The following ZNF318 variants were observed in gnomAD, a reference collection of about 807,000 sequenced individuals.
The protein encoded by ZNF318 is zinc finger protein 318, also known as endocrine regulator.
Under a neutral mutation model 124.2 loss-of-function variants are expected in ZNF318, and 51 were observed. The observed-to-expected ratio is 0.41, with a 90% CI of 0.33 to 0.52. The LOEUF (loss-of-function observed/expected upper bound fraction) is 0.52, where lower values mean the gene tolerates loss of function less well. ZNF318 is among the 20% of genes least tolerant of loss of function. The pLI, the probability that ZNF318 is intolerant of heterozygous loss-of-function variation, is 0.23. For synonymous variants in ZNF318, 1,090 were observed against 1,040.7 expected (o/e 1.05, Z -0.91); for missense variants, 2,815 against 2,811.2 (o/e 1.00, Z -0.03).
rs1433299645 is a variant in ZNF318, at chr6:43,355,062, A to G, written c.2272T>C (p.Leu758=). 3 of 1,613,996 alleles carry G rather than the reference A, an allele frequency of 1.9e-6. No individual in the cohort carries two copies. The African/African-American group carries it at 4.0e-5, about 22-fold the overall frequency. Residue 758 remains leucine, a synonymous_variant, in exon 4 of 10, where the codon TTA becomes CTA. Coordinates refer to ENST00000361428, the MANE Select transcript of ZNF318 (RefSeq NM_014345.3). ...GCCCTTGGCATGTGAAACTGAGATA[A>G]AGCAGCAGTGTGTGGAAGTCTAATT... ...APIRLPHTAA[L]SQFHMPRASQ... is the part of the protein sequence containing the mutation.
In ZNF318 at chr6:43,369,081, G is replaced by C; in HGVS notation, c.285C>G (p.Gly95=). The change falls in exon 1 of 10, where the codon GGC becomes GGG. Residue 95 remains glycine, a synonymous_variant. Coordinates refer to ENST00000361428, the MANE Select transcript of ZNF318 (RefSeq NM_014345.3). ...ARRGSPSPPR[G]RRLFPPGPAG... ...CCGGGCCCGGCGGGAAGAGTCGTCG[G>C]CCCCGCGGTGGCGACGGGGAGCCGC... 1 of 1,279,150 alleles carries C rather than the reference G, an allele frequency of 7.8e-7. No homozygotes were observed. The highest frequency in any genetic ancestry group is 1.5e-5 in the African/African-American group (1 of 64,918). The allele number at this position is 1,279,150 out of a possible 1,614,324, so 79.2% of individuals were successfully genotyped here. A position where few individuals can be genotyped will look rare whatever the true frequency, so the allele number is the denominator to read the frequency against.
At position 43,363,148 on chromosome 6, in the gene ZNF318, C is replaced by T. The variant is rs568753324; in HGVS notation, c.548+2144G>A. Among the ~76,000 whole-genome samples, 7 of 152,282 alleles carry T rather than the reference C, an allele frequency of 4.6e-5. No homozygotes were observed. In the South Asian group the frequency reaches 1.4e-3, roughly 32 times the overall value. ...AATTTAAAAATATAATTAGTTCTAT[C>T]TGAAGCACATGTGCATAACAAAGTT... is the stretch of plus-strand genomic sequence containing the variant. On this transcript the variant is annotated intron_variant, in intron 2 of 9. Transcript: ENST00000361428.
Position 43,339,494 on chromosome 6 carries a change from C to T in ZNF318, c.4504G>A (p.Val1502Ile), listed in dbSNP as rs1252586026. The T allele has an allele frequency of 6.2e-7, 1 of 1,614,152 alleles. No homozygotes were observed. The highest frequency in any genetic ancestry group is 1.7e-5 in the Admixed American group (1 of 60,024). Reference protein sequence around the residue: ...GPNILNPVLPVAIMASAQPAA... With the variant: ...GPNILNPVLPIAIMASAQPAA... Reference sequence around the variant, plus strand: ...GGCTGTGCTGAGGCCATGATGGCTACAGGCAACACTGGGTTCAAAATGTTA... The same window carrying T: ...GGCTGTGCTGAGGCCATGATGGCTATAGGCAACACTGGGTTCAAAATGTTA... The change falls in exon 10 of 10, where the codon GTA becomes ATA. Residue 1502 changes from valine (V) to isoleucine (I), a missense_variant. Around this residue, in one of 4 missense-constraint regions of ZNF318, gnomAD observed 500 missense variants for 605.2 expected, o/e 0.83. Transcript: ENST00000361428. The surrounding 1 kb of genome is among the most constrained non-coding windows in gnomAD (Gnocchi z 4.2).
chr6:43,354,594 C>G (rs1463446302), intron 4 of ZNF318, 70 bp downstream of exon 4: 22 of 1,455,628 alleles, frequency 1.5e-5, no homozygotes, highest in Non-Finnish European at 1.9e-5. Context: ...TCAGCCCCTT[C>G]TAAAAAACAT....
At chr6:43,345,473 T>C (rs1202930800) in intron 6 of ZNF318, among the ~76,000 whole-genome samples, 1 of 152,178 alleles carries the variant, frequency 6.6e-6, no homozygotes, top group Admixed American at 6.5e-5. Context: ...ACATATCCGT[T>C]AGTTTCAGAG....
Position 43,365,320 on chromosome 6 carries a change from G to A in ZNF318, c.520C>T (p.Pro174Ser). Residue 174 changes from proline (P) to serine (S), a missense_variant, in exon 2 of 10, where the codon CCA (proline) becomes TCA (serine). Transcript: ENST00000361428. ...TCCATGTCTTCCAGATTATCCACTGGTGACCCCAGCCGATCACTAAGCCGT... is the reference window on the plus strand; with the variant it reads ...TCCATGTCTTCCAGATTATCCACTGATGACCCCAGCCGATCACTAAGCCGT... ...RRRLSDRLGS[P>S]VDNLEDMDRD... The A allele has an allele frequency of 6.2e-7, 1 of 1,614,098 alleles. No homozygotes were observed.
At chr6:43,352,256 T>TCACCACGATCATATGGGAG in intron 5 of ZNF318, 121 bp downstream of exon 5, 1 of 723,582 alleles carries the variant, frequency 1.4e-6, no homozygotes, top group African/African-American at 1.8e-5. Flanking sequence ...TTTGTAAGTT[T>TCACCACGATCATATGGGAG]AATTACGTCA....
chr6:43,339,297 G>A lies in ZNF318; in HGVS notation c.4701C>T (p.Asp1567=), dbSNP rs1261619848. ...CACTACTATAGAATATGTCATACAGGTCCTTAGCATTGGCTGTGGCTAAGC... is the reference window on the plus strand; with the variant it reads ...CACTACTATAGAATATGTCATACAGATCCTTAGCATTGGCTGTGGCTAAGC... ...NSCLATANAK[D]LYDIFYSSGG... is the part of the protein sequence containing the mutation. Residue 1567 remains aspartate, a synonymous_variant, in exon 10 of 10, where the codon GAC becomes GAT. Transcript: ENST00000361428. The surrounding 1 kb of genome is among the most constrained non-coding windows in gnomAD (Gnocchi z 4.2). The A allele has an allele frequency of 6.2e-7, 1 of 1,614,150 alleles. No individual in the cohort carries two copies. The highest frequency in any genetic ancestry group is 8.5e-7 in the Non-Finnish European group (1 of 1,180,034).
chr6:43,342,518 G>A (rs1458066406), intron 7 of ZNF318, among the ~76,000 whole-genome samples, 158 bp downstream of exon 7: 1 of 152,188 alleles, frequency 6.6e-6, no homozygotes, highest in Non-Finnish European at 1.5e-5. Flanking sequence ...TGAGCCCTGG[G>A]GATGGTGTCT....
intron 2 of ZNF318, among the ~76,000 whole-genome samples, chr6:43,362,779 C>T (rs143599046): frequency 2.5e-4 from 38 of 152,194 alleles, no homozygotes; most frequent in African/African-American, 8.2e-4. Context: ...GCTGGGATTA[C>T]AGGTATGAGC....
At position 43,342,694 on chromosome 6, in the gene ZNF318, G is replaced by A. The variant is rs1228482281; in HGVS notation, c.3258C>T (p.His1086=). Residue 1086 remains histidine (H), a synonymous_variant, in exon 7 of 10, where the codon CAC becomes CAT. Transcript: ENST00000361428. The part of the protein sequence containing the change: ...GTMFDFFTHM[H]NKKHTQTLDP... ...TACCAACCTGTGTGTGCTTCTTATT[G>A]TGCATATGAGTGAAGAAATCAAACA... 3.7e-6 allele frequency: 6 copies of A among 1,614,046 alleles called. No individual in the cohort carries two copies. The African/African-American group carries it at 8.0e-5, about 22-fold the overall frequency.
chr6:43,356,575 G>A (rs535747426), intron 3 of ZNF318, among the ~76,000 whole-genome samples: 15 of 152,144 alleles, frequency 9.9e-5, no homozygotes, highest in Non-Finnish European at 2.1e-4. Flanking sequence ...TCTCCTAAGA[G>A]GACAGCTAAA....
chr6:43,346,352 G>A (rs1189009346), intron 6 of ZNF318, among the ~76,000 whole-genome samples: 2 of 151,698 alleles, frequency 1.3e-5, no homozygotes, highest in East Asian at 1.9e-4. Context: ...GTGGTGGCAC[G>A]TGCCTGTAAT....
intron 6 of ZNF318, 134 bp downstream of exon 6, chr6:43,348,190 T>C: frequency 1.1e-6 from 1 of 906,894 alleles, no homozygotes; most frequent in Non-Finnish European, 1.7e-6. Context: ...AGTACCACAC[T>C]CTGATCTATA....
chr6:43,339,760 T>A lies in ZNF318; in HGVS notation c.4238A>T (p.Glu1413Val). ...PDIISKAFGG[E>V]EVILKGSPEE... ...TGGAGACCCTTTTAGAATCACCTCT[T>A]CCCCTCCAAATGCTTTGGAGATGAT... Residue 1413 changes from glutamate to valine, a missense_variant, in exon 10 of 10, where the codon GAA (glutamate) becomes GTA (valine). Around this residue, in one of 4 missense-constraint regions of ZNF318, gnomAD observed 500 missense variants for 605.2 expected, o/e 0.83. Coordinates refer to ENST00000361428, the MANE Select transcript of ZNF318 (RefSeq NM_014345.3). This position sits in a 1 kb window ranked among gnomAD's most constrained non-coding sequence, Gnocchi z 4.2. 6.2e-7 allele frequency: 1 copy of A among 1,614,046 alleles called. No homozygotes were observed. The highest frequency in any genetic ancestry group is 8.5e-7 in the Non-Finnish European group (1 of 1,180,004).
At chr6:43,352,256 T>TCACCACCATCATCTGAGAG in intron 5 of ZNF318, 121 bp downstream of exon 5, 1 of 723,580 alleles carries the variant, frequency 1.4e-6, no homozygotes, top group Non-Finnish European at 2.3e-6. Context: ...TTTGTAAGTT[T>TCACCACCATCATCTGAGAG]AATTACGTCA....
chr6:43,367,322 C>T (rs1411784892), intron 1 of ZNF318, among the ~76,000 whole-genome samples: 2 of 152,148 alleles, frequency 1.3e-5, no homozygotes, highest in Non-Finnish European at 2.9e-5. Flanking sequence ...CAGAACAGTC[C>T]TAATGCAAAG....
chr6:43,341,140 A>T (rs1779369306), intron 8 of ZNF318, among the ~76,000 whole-genome samples: 1 of 152,176 alleles, frequency 6.6e-6, no homozygotes, highest in South Asian at 2.1e-4. Context: ...TATACTGGTT[A>T]ATTTAGGAGT....
rs1364572654 is a variant in ZNF318 at position 43,355,954 on chromosome 6, G to C, written c.1380C>G (p.Pro460=). ...LYQWGPLPGI[P]KDNSPLREKF... ...TTTCTCTGAGAGGACTGTTGTCTTT[G>C]GGAATCCCAGGAAGGGGACCCCATT... Residue 460 remains proline (P), a synonymous_variant, in exon 4 of 10, where the codon CCC becomes CCG. Transcript: ENST00000361428. 6.2e-7 allele frequency: 1 copy of C among 1,614,144 alleles called. No individual in the cohort carries two copies. Among genetic ancestry groups the C allele is most frequent in the Admixed American group, 1.7e-5 (1 of 60,016 alleles).
Sources: gnomAD v4.1 joint callset for allele counts (sites outside exome capture counted in the v4.1 genomes callset) on GRCh38, gnomAD v4.1.1 for gene constraint, gnomAD v4.1.1 regional missense constraint, Gnocchi (gnomAD v3.1) non-coding constraint, MANE v1.5 for transcripts, NCBI Gene and HGNC (gene_info 2026-07-23, HGNC 2026-07-21) for gene names.